Variants in ASCC3 observed in about 807,000 individuals in gnomAD.
ASCC3 encodes activating signal cointegrator 1 complex subunit 3.
Under a neutral mutation model 256.3 loss-of-function variants are expected in ASCC3, and 158 were observed. That is an observed-to-expected ratio of 0.62 (90% confidence interval 0.54 to 0.70). The LOEUF (loss-of-function observed/expected upper bound fraction) is 0.70, where lower values mean the gene tolerates loss of function less well. Among genes scored for constraint, ASCC3 ranks in the 30% least tolerant of loss-of-function variants. ASCC3 has a pLI of 0.00. For synonymous variants in ASCC3, 948 were observed against 883.4 expected, an observed-to-expected ratio of 1.07 and a Z score of -1.30; for missense variants, 2,259 against 2,626.0, an observed-to-expected ratio of 0.86 and a Z score of 3.05.
At chr6:100,693,940 C>G (rs1474188419) in intron 13 of ASCC3, among the ~76,000 whole-genome samples, 1 of 152,014 alleles carries the variant, frequency 6.6e-6, no homozygotes, top group East Asian at 1.9e-4. Flanking sequence ...TTCTCACTTC[C>G]AAACAGCACA....
At chr6:100,742,295 G>A (rs1780473482) in intron 10 of ASCC3, among the ~76,000 whole-genome samples, 1 of 151,970 alleles carries the variant, frequency 6.6e-6, no homozygotes, top group South Asian at 2.1e-4. Context: ...GAACGTGCCT[G>A]AAGGAGGTGG....
At chr6:100,867,823 T>C (rs1042276214) in intron 2 of ASCC3, 85 bp downstream of exon 2, 7 of 1,187,476 alleles carry the variant, frequency 5.9e-6, no homozygotes, top group Middle Eastern at 2.0e-4. Flanking sequence ...GTTAACCACA[T>C]AGAATGGAGA....
rs964627478 is a variant in ASCC3 at position 100,590,153 on chromosome 6, C to T, written c.5304-94G>A. The T allele has an allele frequency of 2.1e-5, 18 of 854,806 alleles. No individual in the cohort carries two copies. The African/African-American group carries it at 3.1e-4, about 15-fold the overall frequency. 53.0% of individuals were successfully genotyped at this position (854,806 alleles called of 1,614,324 possible). ...CACAGAATATATATAAATATAATCC[C>T]CTTTTATTATAAAACCTATCCTCAG... On this transcript the variant is annotated intron_variant, in intron 34 of 41. Transcript: ENST00000369162.
chr6:100,670,663 G>A (rs572051043), intron 14 of ASCC3, among the ~76,000 whole-genome samples: 13 of 142,486 alleles, frequency 9.1e-5, no homozygotes, highest in Admixed American at 3.9e-4. Flanking sequence ...CTTTTAATCC[G>A]CAGTTGGCTG....
intron 10 of ASCC3, among the ~76,000 whole-genome samples, chr6:100,727,085 C>T (rs1241266383): frequency 6.6e-6 from 1 of 152,046 alleles, no homozygotes; most frequent in African/African-American, 2.4e-5. Flanking sequence ...AAAAACTTTC[C>T]TTACAGCTGT....
intron 4 of ASCC3, among the ~76,000 whole-genome samples, chr6:100,808,201 G>T (rs999123940): frequency 6.6e-6 from 1 of 151,642 alleles, no homozygotes; most frequent in East Asian, 1.9e-4. Context: ...AATCAAATGC[G>T]TCAACATTCA....
chr6:100,522,873 A>G (rs984253104), intron 37 of ASCC3, among the ~76,000 whole-genome samples: 1 of 150,788 alleles, frequency 6.6e-6, no homozygotes, highest in African/African-American at 2.4e-5. Context: ...GTTCTGGGGA[A>G]CCTGACTTCA....
chr6:100,663,118 T>A (rs760683727), intron 14 of ASCC3, among the ~76,000 whole-genome samples: 16 of 152,058 alleles, frequency 1.1e-4, no homozygotes, highest in Non-Finnish European at 2.1e-4. Context: ...CTCATTGCGA[T>A]AAGTCAATAA....
rs753340259 is a variant in ASCC3, at chr6:100,606,723, G to C, written c.5044+17C>G. 1 of 1,586,478 alleles carries C rather than the reference G, an allele frequency of 6.3e-7. No homozygotes were observed. On this transcript the variant is annotated intron_variant, in intron 32 of 41. Coordinates refer to ENST00000369162, the MANE Select transcript of ASCC3 (RefSeq NM_006828.4). The stretch of plus-strand genomic sequence containing the variant: ...AAAATAGAGCTTCATGTATTTCTGT[G>C]AATTTAAGAAAATTACCTGTAATGG...
chr6:100,561,818 A>C (rs1769966118), intron 36 of ASCC3, among the ~76,000 whole-genome samples: 1 of 152,142 alleles, frequency 6.6e-6, no homozygotes, highest in Non-Finnish European at 1.5e-5. Context: ...AACAGAAAAT[A>C]CTTAAAAAGA....
rs1389299343 is a variant in ASCC3 at position 100,627,907 on chromosome 6, T to G, written c.4456A>C (p.Ile1486Leu). Residue 1486 changes from isoleucine (I) to leucine (L), a missense_variant, in exon 28 of 42, where the codon ATA becomes CTA. By Grantham distance (5) the Ile-to-Leu change is conservative. Around this residue, in one of 2 missense-constraint regions of ASCC3, gnomAD observed 1,839 missense variants for 2,206.7 expected, o/e 0.83. Transcript: ENST00000369162. ...ISSHTEKPVR[I>L]VGLSTALANA... ...GCTAATGCAGTAGATAGTCCAACTATTCTAACAGGCTTTTCTGTGTGTGAT... is the reference window on the plus strand; with the variant it reads ...GCTAATGCAGTAGATAGTCCAACTAGTCTAACAGGCTTTTCTGTGTGTGAT... 1 of 1,613,564 alleles carries G rather than the reference T, an allele frequency of 6.2e-7. No homozygotes were observed. Among genetic ancestry groups the G allele is most frequent in the African/African-American group, 1.3e-5 (1 of 74,870 alleles).
intron 1 of ASCC3, among the ~76,000 whole-genome samples, chr6:100,877,641 T>C (rs1237520547): frequency 6.6e-6 from 1 of 152,064 alleles, no homozygotes; most frequent in Non-Finnish European, 1.5e-5. Flanking sequence ...TACAGCAGAG[T>C]CTAGGCACAT....
intron 4 of ASCC3, among the ~76,000 whole-genome samples, chr6:100,816,456 C>A (rs1266392011): frequency 6.6e-6 from 1 of 152,056 alleles, no homozygotes. Context: ...GACACATGCA[C>A]ACATATGCTC....
intron 30 of ASCC3, among the ~76,000 whole-genome samples, chr6:100,609,126 T>C (rs917926849): frequency 5.3e-5 from 8 of 152,094 alleles, no homozygotes; most frequent in Admixed American, 2.0e-4. Flanking sequence ...TTTAACTTTA[T>C]GGACCTAAAA....
In ASCC3 at chr6:100,629,042, G is replaced by C. The variant is rs761417529; in HGVS notation, c.4348C>G (p.Leu1450Val). Residue 1450 changes from leucine (L) to valine (V), a missense_variant, in exon 27 of 42, where the codon CTC becomes GTC. Leu to Val is a conservative substitution (Grantham distance 32). Transcript: ENST00000369162. ...NRNYVQQVTI[L>V]IIDEIHLLGE... ...AGCAGATGGATCTCATCTATGATGA[G>C]AATAGTGACTTGCTGAACATAGTTC... 8 of 1,613,484 alleles carry C rather than the reference G, an allele frequency of 5.0e-6. No individual in the cohort carries two copies. Among genetic ancestry groups the C allele is most frequent in the Admixed American group, 3.3e-5 (2 of 59,918 alleles).
intron 36 of ASCC3, among the ~76,000 whole-genome samples, chr6:100,572,234 T>A (rs1770629136): frequency 1.3e-5 from 2 of 152,078 alleles, no homozygotes; most frequent in Admixed American, 6.6e-5. Context: ...AGTGCCCTTA[T>A]AAAGGAGACT....
intron 4 of ASCC3, among the ~76,000 whole-genome samples, chr6:100,810,692 T>C (rs917767303): frequency 2.0e-5 from 3 of 152,104 alleles, no homozygotes; most frequent in African/African-American, 4.8e-5. Context: ...AAAAGTCTTT[T>C]GGCAAACTCC....
At chr6:100,542,090 G>A (rs892263559) in intron 36 of ASCC3, among the ~76,000 whole-genome samples, 1 of 152,146 alleles carries the variant, frequency 6.6e-6, no homozygotes, top group African/African-American at 2.4e-5. Flanking sequence ...AGTGTGGAAG[G>A]AAGGGCAGAA....
chr6:100,671,769 CA>C (rs1196923700), intron 14 of ASCC3, among the ~76,000 whole-genome samples: 2 of 152,002 alleles, frequency 1.3e-5, no homozygotes, highest in Admixed American at 1.3e-4. Flanking sequence ...AACACAATGT[CA>C]ATGCTTTTAA....
Sources: allele counts gnomAD v4.1 joint callset (sites outside exome capture counted in the v4.1 genomes callset), GRCh38; gene constraint gnomAD v4.1.1; regional missense constraint gnomAD v4.1.1; transcripts MANE v1.5; gene names NCBI Gene and HGNC (gene_info 2026-07-23, HGNC 2026-07-21).